Variants in TPST1 observed in about 807,000 individuals in gnomAD.
TPST1 encodes protein-tyrosine sulfotransferase 1.
Under a neutral mutation model 34.8 loss-of-function variants are expected in TPST1, and 20 were observed. That is an observed-to-expected ratio of 0.57 (90% CI 0.40 to 0.84). TPST1 has a LOEUF of 0.84. Among genes scored for constraint, TPST1 ranks in the 40% least tolerant of loss-of-function variants. The pLI is 0.00. For synonymous variants in TPST1, 152 were observed against 159.4 expected (o/e 0.95, Z 0.35); for missense variants, 353 against 455.5 (o/e 0.78, Z 2.05).
chr7:66,325,720 G>C (rs3893216), intron 3 of TPST1, among the ~76,000 whole-genome samples: 101,369 of 152,022 alleles, frequency 0.67, 34,176 homozygotes, highest in African/African-American at 0.76. Context: ...ACCGCAACCT[G>C]TGCCTCCCGG....
At chr7:66,218,143 T>C (rs556131714) in intron 1 of TPST1, among the ~76,000 whole-genome samples, 12 of 152,286 alleles carry the variant, frequency 7.9e-5, no homozygotes, top group Admixed American at 3.9e-4. Context: ...CCTCCCAACA[T>C]GCTGGGATTA....
chr7:66,222,136 C>T (rs932826284), intron 1 of TPST1, among the ~76,000 whole-genome samples: 1 of 152,204 alleles, frequency 6.6e-6, no homozygotes, highest in African/African-American at 2.4e-5. Context: ...GTAATCCCAG[C>T]ACTTTGGGAG....
At chr7:66,284,353 A>T (rs1351724157) in intron 2 of TPST1, among the ~76,000 whole-genome samples, 1 of 98,692 alleles carries the variant, frequency 1.0e-5, no homozygotes, top group East Asian at 2.2e-4. Context: ...GATTACTATT[A>T]ATTTACATTT....
At chr7:66,305,479 G>A (rs920746068) in intron 3 of TPST1, among the ~76,000 whole-genome samples, 2 of 152,122 alleles carry the variant, frequency 1.3e-5, no homozygotes, top group Admixed American at 6.5e-5. Context: ...AAAATCCTAG[G>A]TTCCAGGCAA....
intron 1 of TPST1, among the ~76,000 whole-genome samples, chr7:66,212,066 A>T (rs1169192651): frequency 1.3e-5 from 2 of 152,244 alleles, no homozygotes; most frequent in African/African-American, 4.8e-5. Context: ...TAAGGTGGTT[A>T]AGCTGTGACA....
At chr7:66,343,915 A>T (rs1792290222) in intron 3 of TPST1, among the ~76,000 whole-genome samples, 1 of 152,228 alleles carries the variant, frequency 6.6e-6, no homozygotes, top group African/African-American at 2.4e-5. Flanking sequence ...TAAGCAGACA[A>T]TAGAAACTCT....
At chr7:66,330,692 C>T (rs1224507218) in intron 3 of TPST1, among the ~76,000 whole-genome samples, 2 of 152,112 alleles carry the variant, frequency 1.3e-5, no homozygotes. Flanking sequence ...TAAAATCTAC[C>T]AACTATCAAT....
upstream of TPST1, chr7:66,205,123 G>A (rs966864695): frequency 6.6e-6 from 1 of 152,238 alleles, no homozygotes; most frequent in South Asian, 2.1e-4. The surrounding 1 kb of genome is among the most constrained non-coding windows in gnomAD (Gnocchi z 5.0). Context: ...AAGGGCTGTG[G>A]GGGCGCTGGC....
chr7:66,224,416 T>C (rs1347183519), intron 1 of TPST1, among the ~76,000 whole-genome samples: 1 of 152,238 alleles, frequency 6.6e-6, no homozygotes, highest in Non-Finnish European at 1.5e-5. Flanking sequence ...TGAATGGGTA[T>C]GAGAGGCAAG....
chr7:66,337,299 A>ATT (rs749288846), intron 3 of TPST1, among the ~76,000 whole-genome samples: 8,609 of 107,676 alleles, frequency 0.08, 676 homozygotes, highest in Middle Eastern at 0.12. Context: ...TAAAAGACAA[A>ATT]TTTTTTTTTT....
intron 3 of TPST1, among the ~76,000 whole-genome samples, chr7:66,336,406 CAAAG>C (rs1792122520): frequency 6.6e-6 from 1 of 151,550 alleles, no homozygotes; most frequent in Non-Finnish European, 1.5e-5. Flanking sequence ...AGAAATTTGA[CAAAG>C]AAATAGAAAC....
At chr7:66,315,192 A>G (rs1325468930) in intron 3 of TPST1, among the ~76,000 whole-genome samples, 1 of 152,254 alleles carries the variant, frequency 6.6e-6, no homozygotes, top group Non-Finnish European at 1.5e-5. Context: ...GTGTGGCCAC[A>G]GTAAGGGAAT....
intron 1 of TPST1, among the ~76,000 whole-genome samples, chr7:66,224,716 T>C (rs1789611833): frequency 1.3e-5 from 2 of 152,096 alleles, no homozygotes; most frequent in Admixed American, 6.5e-5. Flanking sequence ...TTTGCAAATA[T>C]GTAAGTATAG....
At chr7:66,255,362 G>C (rs1417593975) in intron 2 of TPST1, among the ~76,000 whole-genome samples, 1 of 152,060 alleles carries the variant, frequency 6.6e-6, no homozygotes, top group Non-Finnish European at 1.5e-5. Flanking sequence ...AATGTCAGCT[G>C]TGCCAAGGTT....
chr7:66,335,580 T>C (rs1792080256), intron 3 of TPST1, among the ~76,000 whole-genome samples: 1 of 152,070 alleles, frequency 6.6e-6, no homozygotes, highest in South Asian at 2.1e-4. Context: ...CGGTGGTCAC[T>C]ATAAGTCTTC....
intron 3 of TPST1, among the ~76,000 whole-genome samples, chr7:66,306,058 A>T (rs1418413933): frequency 6.6e-6 from 1 of 152,188 alleles, no homozygotes; most frequent in African/African-American, 2.4e-5. Context: ...GAACGAATAG[A>T]ATACAACAAA....
In TPST1 at chr7:66,325,891, C is replaced by T. The variant is rs190214024; in HGVS notation, c.1045-26614C>T. On this transcript the variant is annotated intron_variant, in intron 3 of 5. Coordinates refer to ENST00000304842, the MANE Select transcript of TPST1 (RefSeq NM_003596.4). The stretch of plus-strand genomic sequence containing the variant: ...GCTCGTGATCTGCCCGCCTTGGCCT[C>T]CCAAATTGCTGGGGTTACAGGCGTG... Among the ~76,000 whole-genome samples, 167 of 152,324 alleles carry T rather than the reference C, an allele frequency of 1.1e-3. 1 individual carries two copies. The East Asian group carries it at 0.028, about 25-fold the overall frequency.
At chr7:66,239,491 C>T (rs1317683389) in intron 1 of TPST1, among the ~76,000 whole-genome samples, 2 of 152,168 alleles carry the variant, frequency 1.3e-5, no homozygotes, top group African/African-American at 2.4e-5. Flanking sequence ...GGTCCTCAGT[C>T]GAGCCTATCT....
At chr7:66,295,467 C>T (rs1472134271) in intron 3 of TPST1, among the ~76,000 whole-genome samples, 1 of 152,142 alleles carries the variant, frequency 6.6e-6, no homozygotes, top group Non-Finnish European at 1.5e-5. Context: ...TGCACTCCAG[C>T]CTGGGTGATG....
Sources: gnomAD v4.1 joint callset for allele counts (sites outside exome capture counted in the v4.1 genomes callset) on GRCh38, gnomAD v4.1.1 for gene constraint, Gnocchi (gnomAD v3.1) non-coding constraint, MANE v1.5 for transcripts, NCBI Gene and HGNC (gene_info 2026-07-23, HGNC 2026-07-21) for gene names.